Variants in BRINP2 observed in about 807,000 individuals in gnomAD.
The protein encoded by BRINP2 is BMP/retinoic acid inducible neural specific 2, also known as BMP/retinoic acid-inducible neural-specific protein 2.
BRINP2 carries 21 observed loss-of-function variants against 69.2 expected under a neutral mutation model. The ratio of observed to expected loss-of-function variants is 0.30; its 90% CI spans 0.22 to 0.44. BRINP2 has a LOEUF of 0.44. Ranked by LOEUF, BRINP2 falls within the 20% of genes least tolerant of loss-of-function variation. The pLI is 1.00. For synonymous variants in BRINP2, 380 were observed against 394.1 expected (o/e 0.96, Z 0.42); for missense variants, 877 against 986.0 (o/e 0.89, Z 1.48).
At chr1:177,202,993 T>C (rs542390743) in intron 1 of BRINP2, among the ~76,000 whole-genome samples, 8 of 152,116 alleles carry the variant, frequency 5.3e-5, no homozygotes, top group African/African-American at 2.4e-5. Context: ...ACCCAAAGGA[T>C]TATAAATCAT....
Position 177,171,467 on chromosome 1 carries a change from CGGT to C in BRINP2, c.-339_-337del. On this transcript the variant is annotated 5_prime_UTR_variant, in exon 1 of 8. Coordinates refer to ENST00000361539, the MANE Select transcript of BRINP2 (RefSeq NM_021165.4). ...AGTGGTCTAACGTTGGCGGCGGTGG[CGGT>C]GGCGGCGGCGGCGGCACCGACAGTA... 1 of 162,936 alleles carries C rather than the reference CGGT, an allele frequency of 6.1e-6. No individual in the cohort carries two copies. The highest frequency in any genetic ancestry group is 1.3e-5 in the Non-Finnish European group (1 of 75,910). The allele number at this position is 162,936 out of a possible 1,614,324, so 10.1% of individuals were successfully genotyped here. A position where few individuals can be genotyped will look rare whatever the true frequency, so the allele number is the denominator to read the frequency against.
chr1:177,208,186 A>T (rs1352347400), intron 1 of BRINP2, among the ~76,000 whole-genome samples: 1 of 152,212 alleles, frequency 6.6e-6, no homozygotes, highest in Admixed American at 6.5e-5. Context: ...CAGTAAGAGC[A>T]ATGTCTGACA....
At chr1:177,257,049 A>C (rs1459980934) in intron 3 of BRINP2, 127 bp from the exon 4 acceptor site, 2 of 1,552,646 alleles carry the variant, frequency 1.3e-6, no homozygotes, top group Non-Finnish European at 1.7e-6. Context: ...GGCTGGGGGA[A>C]GAGCTTGGCA....
At chr1:177,211,237 C>T (rs1031075363) in intron 1 of BRINP2, among the ~76,000 whole-genome samples, 3 of 151,990 alleles carry the variant, frequency 2.0e-5, no homozygotes, top group African/African-American at 7.2e-5. Flanking sequence ...AATGTTGGCC[C>T]CATCAACTGT....
chr1:177,280,874 G>A lies in BRINP2; in HGVS notation c.1698G>A (p.Val566=), dbSNP rs766271373. Residue 566 remains valine, a synonymous_variant, in exon 8 of 8, where the codon GTG becomes GTA. Coordinates refer to ENST00000361539, the MANE Select transcript of BRINP2 (RefSeq NM_021165.4). ...SNKYKPGLVH[V]MLALSLQICL... ...AGTACAAGCCTGGGCTGGTGCACGT[G>A]ATGTTGGCCTTGTCCTTGCAGATCT... The A allele has an allele frequency of 4.3e-6, 7 of 1,614,192 alleles. No individual in the cohort carries two copies. The highest frequency in any genetic ancestry group is 5.1e-6 in the Non-Finnish European group (6 of 1,180,020).
rs141179090 is a variant in BRINP2 at position 177,227,101 on chromosome 1, C to T, written c.-76-2700C>T. Among the ~76,000 whole-genome samples the T allele has an allele frequency of 2.3e-3, 349 of 152,332 alleles. 1 individual carries two copies. Among genetic ancestry groups the T allele is most frequent in the African/African-American group, 8.0e-3 (333 of 41,574 alleles). ...TAACTCAAATTCAACTGATTAGCAA[C>T]CAGATCATGGGAGTGACATCCCATC... On this transcript the variant is annotated intron_variant, in intron 1 of 7. Coordinates refer to ENST00000361539, the MANE Select transcript of BRINP2 (RefSeq NM_021165.4).
At chr1:177,198,350 C>T (rs1177636765) in intron 1 of BRINP2, among the ~76,000 whole-genome samples, 1 of 152,122 alleles carries the variant, frequency 6.6e-6, no homozygotes, top group Non-Finnish European at 1.5e-5. Flanking sequence ...ATTACTGTTC[C>T]CTTATGCCCT....
rs1647919419 is a variant in BRINP2 at position 177,171,252 on chromosome 1, CTT to C, written c.-555_-554del. Among the ~76,000 whole-genome samples, 2 of 152,208 alleles carry C rather than the reference CTT, an allele frequency of 1.3e-5. No homozygotes were observed. The highest frequency in any genetic ancestry group is 6.5e-5 in the Admixed American group (1 of 15,290). On this transcript the variant is annotated 5_prime_UTR_variant, in exon 1 of 8. Transcript: ENST00000361539. ...GGTGAGAGAGCGGGTGGGTGAGTCT[CTT>C]TAGAGTTGGAAAGAAGGCAAAATCT...
intron 1 of BRINP2, among the ~76,000 whole-genome samples, chr1:177,178,305 C>T (rs1648146724): frequency 6.6e-6 from 1 of 152,164 alleles, no homozygotes; most frequent in South Asian, 2.1e-4. Flanking sequence ...TCCAGTGACT[C>T]CCCACTATTG....
intron 1 of BRINP2, among the ~76,000 whole-genome samples, chr1:177,222,825 T>C (rs1649577224): frequency 6.6e-6 from 1 of 152,006 alleles, no homozygotes; most frequent in Non-Finnish European, 1.5e-5. Context: ...CCACTCCACT[T>C]TGGAACAGCC....
intron 1 of BRINP2, among the ~76,000 whole-genome samples, chr1:177,196,816 G>C (rs573266064): frequency 1.3e-5 from 2 of 152,178 alleles, no homozygotes; most frequent in East Asian, 3.9e-4. Context: ...AAGTCATTTA[G>C]AGACTAAATA....
chr1:177,258,955 T>C (rs976477883), intron 4 of BRINP2, among the ~76,000 whole-genome samples: 2 of 152,200 alleles, frequency 1.3e-5, no homozygotes, highest in African/African-American at 4.8e-5. Flanking sequence ...TAGTGGCTTC[T>C]AAGTTTTCAA....
At chr1:177,225,635 G>T (rs1649670267) in intron 1 of BRINP2, among the ~76,000 whole-genome samples, 1 of 152,186 alleles carries the variant, frequency 6.6e-6, no homozygotes. Flanking sequence ...AAAATTTCTA[G>T]TGATATTATT....
intron 4 of BRINP2, among the ~76,000 whole-genome samples, chr1:177,270,538 G>A (rs1651283908): frequency 6.6e-6 from 1 of 151,936 alleles, no homozygotes; most frequent in Admixed American, 6.6e-5. Context: ...GCAGGGATGG[G>A]GGAGGGAGAA....
At chr1:177,177,705 CT>C (rs1648132713) in intron 1 of BRINP2, among the ~76,000 whole-genome samples, 1 of 152,156 alleles carries the variant, frequency 6.6e-6, no homozygotes, top group African/African-American at 2.4e-5. Flanking sequence ...ATTATTACCT[CT>C]TGTATTTTCA....
At chr1:177,260,861 C>T (rs149134025) in intron 4 of BRINP2, among the ~76,000 whole-genome samples, 2 of 152,206 alleles carry the variant, frequency 1.3e-5, no homozygotes, top group Non-Finnish European at 2.9e-5. Context: ...GCATGACTTG[C>T]TTTATTGTGA....
In BRINP2 at chr1:177,230,115, A is replaced by G. The variant is rs200656202; in HGVS notation, c.239A>G (p.Gln80Arg). The change falls in exon 2 of 8, where the codon CAG (glutamine) becomes CGG (arginine). Residue 80 changes from glutamine to arginine, a missense_variant. Around this residue, in one of 3 missense-constraint regions of BRINP2, gnomAD observed 566 missense variants for 625.2 expected, o/e 0.91. Transcript: ENST00000361539. ...GCTGACTTCATGGAGCGGTACCGCC[A>G]GGGTTTCACCACCAGGTACAGGATT... ...EYADFMERYR[Q>R]GFTTRYRIYR... is the part of the protein sequence containing the mutation. The G allele has an allele frequency of 2.6e-4, 417 of 1,612,220 alleles. No individual in the cohort carries two copies. Among genetic ancestry groups the G allele is most frequent in the Non-Finnish European group, 3.3e-4 (393 of 1,179,162 alleles).
At chr1:177,237,655 G>A (rs961281423) in intron 2 of BRINP2, among the ~76,000 whole-genome samples, 2 of 152,230 alleles carry the variant, frequency 1.3e-5, no homozygotes, top group Non-Finnish European at 2.9e-5. Flanking sequence ...GGGAAGGGAA[G>A]ATCAGTTTTG....
intron 2 of BRINP2, among the ~76,000 whole-genome samples, chr1:177,232,133 G>A (rs927020981): frequency 2.0e-5 from 3 of 152,196 alleles, no homozygotes; most frequent in Non-Finnish European, 2.9e-5. Flanking sequence ...TTTAAAAAGT[G>A]TATTGGAATT....
Sources: gnomAD v4.1 joint callset for allele counts (sites outside exome capture counted in the v4.1 genomes callset) on GRCh38, gnomAD v4.1.1 for gene constraint, gnomAD v4.1.1 regional missense constraint, MANE v1.5 for transcripts, NCBI Gene and HGNC (gene_info 2026-07-23, HGNC 2026-07-21) for gene names.